The following SLIT2 variants were observed in gnomAD, a reference collection of about 807,000 sequenced individuals.
The protein encoded by SLIT2 is slit guidance ligand 2.
Under a neutral mutation model 185.7 loss-of-function variants are expected in SLIT2, and 41 were observed. The ratio of observed to expected loss-of-function variants is 0.22; its 90% CI spans 0.17 to 0.29. The LOEUF (loss-of-function observed/expected upper bound fraction) is 0.29. Ranked by LOEUF, SLIT2 falls within the 10% of genes least tolerant of loss-of-function variation. SLIT2 has a pLI of 1.00. For synonymous variants in SLIT2, 693 were observed against 680.2 expected (o/e 1.02, Z -0.29); for missense variants, 1,571 against 1,909.0 (o/e 0.82, Z 3.30).
At chr4:20,557,555 C>T (rs1170208182) in intron 26 of SLIT2, among the ~76,000 whole-genome samples, 1 of 152,006 alleles carries the variant, frequency 6.6e-6, no homozygotes, top group Non-Finnish European at 1.5e-5. Context: ...ATTACTGCTT[C>T]TTCACAGTGC....
At chr4:20,392,957 A>ATTTATG (rs1725551435) in intron 4 of SLIT2, among the ~76,000 whole-genome samples, 2 of 152,116 alleles carry the variant, frequency 1.3e-5, no homozygotes, top group South Asian at 4.1e-4. Context: ...GATAAATAGT[A>ATTTATG]TAGTATAGTA....
At chr4:20,588,268 C>A (rs1396530198) in intron 29 of SLIT2, among the ~76,000 whole-genome samples, 1 of 152,230 alleles carries the variant, frequency 6.6e-6, no homozygotes, top group African/African-American at 2.4e-5. Flanking sequence ...ATATCATACA[C>A]CAGATTGATG....
chr4:20,572,141 G>A (rs1725656868), intron 29 of SLIT2, among the ~76,000 whole-genome samples: 1 of 152,206 alleles, frequency 6.6e-6, no homozygotes, highest in Non-Finnish European at 1.5e-5. Flanking sequence ...TCCAGGGATT[G>A]ACAGCATGAA....
intron 15 of SLIT2, 152 bp downstream of exon 15, chr4:20,525,324 T>C: frequency 1.8e-6 from 1 of 566,626 alleles, no homozygotes; most frequent in Non-Finnish European, 3.2e-6. Context: ...AGCTGTTTCC[T>C]GAAATCCTGA....
intron 10 of SLIT2, 122 bp from the exon 11 acceptor site, chr4:20,510,944 G>A (rs1719642687): frequency 3.4e-6 from 2 of 589,474 alleles, no homozygotes; most frequent in East Asian, 5.4e-5. Flanking sequence ...GTTCAATGTT[G>A]CACGTTTTGG....
chr4:20,431,600 G>A (rs1728984902), intron 4 of SLIT2, among the ~76,000 whole-genome samples: 1 of 152,122 alleles, frequency 6.6e-6, no homozygotes, highest in Non-Finnish European at 1.5e-5. Flanking sequence ...AGTTCCCTCA[G>A]TAATAGACAG....
chr4:20,418,079 T>C (rs1727844954), intron 4 of SLIT2, among the ~76,000 whole-genome samples: 1 of 152,218 alleles, frequency 6.6e-6, no homozygotes, highest in Non-Finnish European at 1.5e-5. Context: ...TCTGTCTTAA[T>C]GTTGGTATGT....
At chr4:20,351,407 A>G (rs1183732165) in intron 4 of SLIT2, among the ~76,000 whole-genome samples, 1 of 151,958 alleles carries the variant, frequency 6.6e-6, no homozygotes, top group Non-Finnish European at 1.5e-5. Flanking sequence ...TAGATATGAC[A>G]TTATAATATA....
intron 7 of SLIT2, among the ~76,000 whole-genome samples, chr4:20,487,851 T>G (rs1717394451): frequency 6.6e-6 from 1 of 152,224 alleles, no homozygotes; most frequent in African/African-American, 2.4e-5. Flanking sequence ...ATTCCATTTT[T>G]ATAGCCTAAT....
At chr4:20,412,935 GT>G (rs1461189410) in intron 4 of SLIT2, among the ~76,000 whole-genome samples, 1 of 151,958 alleles carries the variant, frequency 6.6e-6, no homozygotes, top group Non-Finnish European at 1.5e-5. Context: ...TTTCAAGTTT[GT>G]TTTGTCAATT....
intron 4 of SLIT2, among the ~76,000 whole-genome samples, chr4:20,278,182 TA>T (rs1714353605): frequency 6.6e-6 from 1 of 152,086 alleles, no homozygotes; most frequent in South Asian, 2.1e-4. Flanking sequence ...AGTCTTTTTC[TA>T]AATACACTGT....
At chr4:20,306,679 A>G (rs1388848857) in intron 4 of SLIT2, among the ~76,000 whole-genome samples, 1 of 152,028 alleles carries the variant, frequency 6.6e-6, no homozygotes, top group Non-Finnish European at 1.5e-5. Context: ...ACCAGTTTTT[A>G]TTCATGGAGA....
At chr4:20,393,296 G>A (rs1725588823) in intron 4 of SLIT2, 1 of 152,010 alleles carries the variant, frequency 6.6e-6, no homozygotes, top group South Asian at 2.1e-4. Flanking sequence ...GAGAGCCTAT[G>A]AAGCAGCAAA....
intron 21 of SLIT2, among the ~76,000 whole-genome samples, chr4:20,543,903 T>G (rs961251724): frequency 6.6e-6 from 1 of 152,160 alleles, no homozygotes; most frequent in Non-Finnish European, 1.5e-5. Flanking sequence ...CTTATAGTAA[T>G]GTTTTTTATT....
chr4:20,507,475 A>G (rs957074991), intron 9 of SLIT2, among the ~76,000 whole-genome samples: 1 of 151,972 alleles, frequency 6.6e-6, no homozygotes, highest in African/African-American at 2.4e-5. Context: ...AGAAGTCTCT[A>G]TGCTGAATAT....
intron 4 of SLIT2, among the ~76,000 whole-genome samples, chr4:20,448,184 A>G (rs954100784): frequency 1.3e-5 from 2 of 152,330 alleles, no homozygotes; most frequent in East Asian, 3.9e-4. Context: ...TCATACTGAT[A>G]TGCTAATAAT....
chr4:20,571,995 G>A (rs527832318), intron 29 of SLIT2, among the ~76,000 whole-genome samples: 36 of 152,156 alleles, frequency 2.4e-4, no homozygotes, highest in Admixed American at 1.2e-3. Context: ...ACTACAAAAC[G>A]TGACTAGAAA....
chr4:20,360,324 T>A (rs1722641648), intron 4 of SLIT2, among the ~76,000 whole-genome samples: 1 of 152,096 alleles, frequency 6.6e-6, no homozygotes, highest in Admixed American at 6.6e-5. Flanking sequence ...AAGTGAGAGG[T>A]AAGTCGTTTG....
chr4:20,520,298 A>C (rs1407116243), intron 12 of SLIT2, among the ~76,000 whole-genome samples: 1 of 152,212 alleles, frequency 6.6e-6, no homozygotes, highest in Non-Finnish European at 1.5e-5. Context: ...ATTTAACACC[A>C]TGTGTTTTAA....
Sources: gnomAD v4.1 joint callset for allele counts (sites outside exome capture counted in the v4.1 genomes callset) on GRCh38, gnomAD v4.1.1 for gene constraint, MANE v1.5 for transcripts, NCBI Gene and HGNC (gene_info 2026-07-23, HGNC 2026-07-21) for gene names.